Variants in FBP1 observed in about 807,000 individuals in gnomAD.
FBP1 encodes the protein fructose-bisphosphatase 1.
A neutral mutation model predicts 29.9 loss-of-function variants in FBP1; 22 were observed. That is an observed-to-expected ratio of 0.74 (90% CI 0.53 to 1.05). The LOEUF is 1.05. FBP1 is among the 50% of genes least tolerant of loss of function. FBP1 has a pLI of 0.00. For synonymous variants in FBP1, 175 were observed against 178.6 expected, an observed-to-expected ratio of 0.98 and a Z score of 0.16; for missense variants, 345 against 448.2, an observed-to-expected ratio of 0.77 and a Z score of 2.08.
chr9:94,605,372 G>A, intron 6 of FBP1, 85 bp downstream of exon 6: 1 of 1,477,072 alleles, frequency 6.8e-7, no homozygotes, highest in Non-Finnish European at 9.3e-7. Context: ...GTAATAGCTA[G>A]CAAAACCTTT....
chr9:94,640,158 C>G (rs952044224), upstream of FBP1: 1 of 152,206 alleles, frequency 6.6e-6, no homozygotes, highest in African/African-American at 2.4e-5. Flanking sequence ...CGGAAGTTTC[C>G]CGGAAAACGG....
chr9:94,614,919 T>A (rs1231447405), intron 3 of FBP1, among the ~76,000 whole-genome samples: 3 of 152,146 alleles, frequency 2.0e-5, no homozygotes, highest in African/African-American at 7.2e-5. Context: ...TTTATTTATT[T>A]ATTTTTTGAG....
At chr9:94,638,892 G>T (rs1300129550) in intron 1 of FBP1, among the ~76,000 whole-genome samples, 3 of 152,180 alleles carry the variant, frequency 2.0e-5, no homozygotes, top group Non-Finnish European at 4.4e-5. Context: ...ATGGAATCAG[G>T]TGTACACCTG....
At chr9:94,612,592 C>G (rs1436817707) in intron 3 of FBP1, among the ~76,000 whole-genome samples, 1 of 127,292 alleles carries the variant, frequency 7.9e-6, no homozygotes, top group Non-Finnish European at 1.6e-5. Context: ...GAGTCTTGCT[C>G]TATCGCCAGG....
chr9:94,614,304 G>A (rs987965250), intron 3 of FBP1, among the ~76,000 whole-genome samples: 2 of 151,410 alleles, frequency 1.3e-5, no homozygotes, highest in Admixed American at 6.6e-5. Context: ...ACTTTGGGAG[G>A]CCGAGGTGGG....
chr9:94,619,892 A>G (rs1827920243), intron 2 of FBP1, among the ~76,000 whole-genome samples: 1 of 120,232 alleles, frequency 8.3e-6, no homozygotes, highest in Admixed American at 8.0e-5. Flanking sequence ...AAAAAAAAAA[A>G]AAAAAAAAAA....
chr9:94,625,895 C>T (rs1828019578), intron 1 of FBP1, among the ~76,000 whole-genome samples: 1 of 152,172 alleles, frequency 6.6e-6, no homozygotes, highest in African/African-American at 2.4e-5. Flanking sequence ...ACGCAGGACC[C>T]TCAGCACCTC....
chr9:94,614,422 C>T (rs1827833660), intron 3 of FBP1, among the ~76,000 whole-genome samples: 1 of 152,002 alleles, frequency 6.6e-6, no homozygotes, highest in South Asian at 2.1e-4. Context: ...CGCCTGTAGT[C>T]CCAGCTACTC....
intron 1 of FBP1, among the ~76,000 whole-genome samples, chr9:94,621,398 A>AAAAATATATAT (rs58726402): frequency 3.3e-4 from 48 of 146,238 alleles, no homozygotes; most frequent in African/African-American, 4.2e-4. Flanking sequence ...TCCGTCTAAA[A>AAAAATATATAT]ATATATATAT....
chr9:94,612,549 A>AT (rs561246840), intron 3 of FBP1, among the ~76,000 whole-genome samples: 34,542 of 101,984 alleles, frequency 0.34, 4,474 homozygotes, highest in Admixed American at 0.43. Context: ...CCAGCCCCCA[A>AT]TTTTTTTTTT....
chr9:94,629,831 A>G (rs1182918605), intron 1 of FBP1, among the ~76,000 whole-genome samples: 1 of 152,208 alleles, frequency 6.6e-6, no homozygotes, highest in Non-Finnish European at 1.5e-5. Flanking sequence ...AATGCTACCT[A>G]AAACCTCGAT....
chr9:94,606,597 T>C (rs1480767231), intron 5 of FBP1, among the ~76,000 whole-genome samples: 1 of 152,212 alleles, frequency 6.6e-6, no homozygotes, highest in African/African-American at 2.4e-5. Flanking sequence ...GTGGGCTCAG[T>C]GTAGACGGAA....
intron 4 of FBP1, among the ~76,000 whole-genome samples, chr9:94,608,504 A>AGCAGTCAGGGCCCGGCAAATC (rs1827733967): frequency 6.6e-6 from 1 of 152,228 alleles, no homozygotes; most frequent in Non-Finnish European, 1.5e-5. Context: ...AAGAATGGGA[A>AGCAGTCAGGGCCCGGCAAATC]GCAGTCAGGG....
chr9:94,628,022 A>T (rs570235306), intron 1 of FBP1, among the ~76,000 whole-genome samples: 1 of 152,360 alleles, frequency 6.6e-6, no homozygotes, highest in South Asian at 2.1e-4. Flanking sequence ...CTGATCATGC[A>T]GGGGCAGGAA....
rs542675680 is a variant in FBP1 at position 94,639,332 on chromosome 9, G to C, written c.-22C>G. ...CCATGCTTGAACCGGGTAGAGCGCG[G>C]GGCTGCAGGTGCAAGCGGCAGGTGC... On this transcript the variant is annotated 5_prime_UTR_variant, in exon 1 of 7. Transcript: ENST00000375326. The C allele has an allele frequency of 6.9e-6, 11 of 1,599,526 alleles. No individual in the cohort carries two copies. In the Admixed American group the frequency reaches 6.9e-5, roughly 10 times the overall value.
chr9:94,617,747 G>A (rs759141334), intron 3 of FBP1, 21 bp downstream of exon 3: 3 of 1,513,646 alleles, frequency 2.0e-6, no homozygotes, highest in East Asian at 2.3e-5. Context: ...CAAACCAAGT[G>A]CTTAAGATAT....
In FBP1 at chr9:94,609,995, AGCCGGCT is replaced by A. The variant is rs1827759045; in HGVS notation, c.486_492del (p.Ala163ThrfsTer37). 1 of 1,614,046 alleles carries A rather than the reference AGCCGGCT, an allele frequency of 6.2e-7. No individual in the cohort carries two copies. The highest frequency in any genetic ancestry group is 1.3e-5 in the African/African-American group (1 of 74,944). On this transcript the variant is annotated frameshift_variant, in exon 4 of 7. Coordinates refer to ENST00000375326, the MANE Select transcript of FBP1 (RefSeq NM_000507.4). LOFTEE classifies it high-confidence loss of function. ...ATGGTGGCACTGCCATACAGTGCGTAGCCGGCTGCCACCAGGTTCCGGCCTGGTTGCA... is the reference window on the plus strand; with the variant it reads ...ATGGTGGCACTGCCATACAGTGCGTAGCCACCAGGTTCCGGCCTGGTTGCA...
chr9:94,613,949 C>A (rs552326281), intron 3 of FBP1, among the ~76,000 whole-genome samples: 2 of 145,196 alleles, frequency 1.4e-5, no homozygotes, highest in Admixed American at 6.9e-5. Flanking sequence ...AGCGTGGTGG[C>A]GGGCGCCTGT....
chr9:94,616,850 C>T (rs28786777), intron 3 of FBP1, among the ~76,000 whole-genome samples: 133,076 of 152,018 alleles, frequency 0.88, 58,327 homozygotes, highest in East Asian at 0.95. Context: ...TTCACTTATT[C>T]GTATAATTGA....
Sources: gnomAD v4.1 joint callset for allele counts (sites outside exome capture counted in the v4.1 genomes callset) on GRCh38, gnomAD v4.1.1 for gene constraint, MANE v1.5 for transcripts, NCBI Gene and HGNC (gene_info 2026-07-23, HGNC 2026-07-21) for gene names.